Variants in LAX1 observed in about 807,000 individuals in gnomAD.
LAX1 encodes the protein lymphocyte transmembrane adapter 1.
LAX1 carries 17 observed loss-of-function variants against 20.7 expected under a neutral mutation model. That is an observed-to-expected ratio of 0.82 (90% CI 0.56 to 1.23). The LOEUF (loss-of-function observed/expected upper bound fraction) is 1.23. LAX1 is among the 50% of genes most tolerant of loss of function. The pLI, the probability that LAX1 is intolerant of heterozygous loss-of-function variation, is 0.00. For synonymous variants in LAX1, 165 were observed against 181.0 expected (o/e 0.91, Z 0.71); for missense variants, 470 against 487.0 (o/e 0.97, Z 0.33).
intron 1 of LAX1, among the ~76,000 whole-genome samples, chr1:203,770,498 GAAGGAAGGAAGGAAGAAAGAAAGA>G (rs1667396007): frequency 2.0e-4 from 7 of 35,072 alleles, no homozygotes; most frequent in African/African-American, 4.2e-4. Flanking sequence ...AGGAAGGAAG[GAAGGAAGGAAGGAAGAAAGAAAGA>G]AAGAAAGAAA....
At chr1:203,770,086 A>T (rs1162286706) in intron 1 of LAX1, among the ~76,000 whole-genome samples, 1 of 152,210 alleles carries the variant, frequency 6.6e-6, no homozygotes, top group East Asian at 1.9e-4. Context: ...AGCTCAGGTT[A>T]CTTGGCCACA....
rs537836555 is a variant in LAX1 at position 203,765,344 on chromosome 1, T to C, written c.-222T>C. On this transcript the variant is annotated 5_prime_UTR_variant, in exon 1 of 5. The change abolishes an upstream ATG in the 5' untranslated region. Coordinates refer to ENST00000442561, the MANE Select transcript of LAX1 (RefSeq NM_017773.4). ...CTCACTTGGAAGCACCATGTCCGGA[T>C]GAGATCGCACTTCCTGCAGTGGGCA... 6 of 1,545,462 alleles carry C rather than the reference T, an allele frequency of 3.9e-6. No individual in the cohort carries two copies. The South Asian group carries it at 6.0e-5, about 15-fold the overall frequency.
At chr1:203,770,571 G>GAA (rs1558070990) in intron 1 of LAX1, among the ~76,000 whole-genome samples, 5 of 146,174 alleles carry the variant, frequency 3.4e-5, no homozygotes, top group African/African-American at 5.1e-5. Flanking sequence ...GAAAGAAAGA[G>GAA]ATTAATAAGT....
rs1667501883 is a variant in LAX1 at position 203,775,839 on chromosome 1, AT to A, written c.*1160del. ...GGCCTAAAAGTCTACATGTTGGGCGATTCTATTTATATGACATTCTGGAAAA... is the reference window on the plus strand; with the variant it reads ...GGCCTAAAAGTCTACATGTTGGGCGATCTATTTATATGACATTCTGGAAAA... On this transcript the variant is annotated 3_prime_UTR_variant, in exon 5 of 5. Coordinates refer to ENST00000442561, the MANE Select transcript of LAX1 (RefSeq NM_017773.4). The A allele has an allele frequency of 6.6e-6, 1 of 152,172 alleles. No individual in the cohort carries two copies. The highest frequency in any genetic ancestry group is 2.4e-5 in the African/African-American group (1 of 41,428). The allele number at this position is 152,172 out of a possible 1,614,324, so 9.4% of individuals were successfully genotyped here.
intron 1 of LAX1, chr1:203,769,757 G>A (rs906317610): frequency 2.5e-5 from 3 of 117,944 alleles, no homozygotes; most frequent in Non-Finnish European, 4.9e-5. Context: ...TTGGAGACCA[G>A]CTCCACAAAT....
intron 1 of LAX1, among the ~76,000 whole-genome samples, chr1:203,769,465 AAG>A (rs962809430): frequency 2.0e-5 from 3 of 146,752 alleles, no homozygotes; most frequent in African/African-American, 7.6e-5. Flanking sequence ...AAAGAAAAGA[AAG>A]AAAGTTGTAT....
At chr1:203,765,745 GC>G in intron 1 of LAX1, 91 bp downstream of exon 1, 1 of 1,205,600 alleles carries the variant, frequency 8.3e-7, no homozygotes, top group Non-Finnish European at 1.2e-6. Context: ...CAGCAGTGCT[GC>G]CACCTCTCAA....
At chr1:203,773,691 A>G (rs1330615687) in intron 4 of LAX1, among the ~76,000 whole-genome samples, 184 bp from the exon 5 acceptor site, 1 of 141,530 alleles carries the variant, frequency 7.1e-6, no homozygotes, top group African/African-American at 2.6e-5. Context: ...CCCCCCACCA[A>G]TTGATTCCCA....
intron 1 of LAX1, among the ~76,000 whole-genome samples, chr1:203,766,071 C>T (rs547656232): frequency 4.6e-5 from 7 of 152,274 alleles, no homozygotes; most frequent in East Asian, 3.9e-4. Flanking sequence ...AATAAAGATA[C>T]GTCCTTAGGA....
chr1:203,770,650 C>G (rs1242493540), intron 1 of LAX1, among the ~76,000 whole-genome samples, 178 bp from the exon 2 acceptor site: 1 of 152,002 alleles, frequency 6.6e-6, no homozygotes, highest in Non-Finnish European at 1.5e-5. Context: ...CTGTCCAAGT[C>G]CCCTCTCTCC....
At chr1:203,769,773 C>CGGGGGGGGGGGGGGGG (rs1311215813) in intron 1 of LAX1, 1 of 24,318 alleles carries the variant, frequency 4.1e-5, no homozygotes, top group Admixed American at 6.9e-4. Context: ...CAAATTGGTG[C>CGGGGGGGGGGGGGGGG]GGGGGGGGGG....
chr1:203,766,239 G>A (rs1322301960), intron 1 of LAX1, among the ~76,000 whole-genome samples: 1 of 152,190 alleles, frequency 6.6e-6, no homozygotes, highest in Non-Finnish European at 1.5e-5. Context: ...CACTTTGGGA[G>A]GCCGAGTGGG....
intron 4 of LAX1, among the ~76,000 whole-genome samples, chr1:203,772,523 G>A (rs1269914381): frequency 2.0e-5 from 3 of 152,118 alleles, no homozygotes; most frequent in African/African-American, 7.2e-5. Flanking sequence ...TGCTTCCCAG[G>A]TTCAAGCAGT....
Position 203,771,409 on chromosome 1 carries a change from C to T in LAX1, c.242C>T (p.Thr81Ile), listed in dbSNP as rs1180526639. ...YLRVTVMPLL[T>I]LPQTRQRAKN... ...CGAGTTACCGTCATGCCCTTGCTGA[C>T]TTTGCCACAAACCAGACAAAGAGCC... The change falls in exon 3 of 5, where the codon ACT becomes ATT. Residue 81 changes from threonine to isoleucine, a missense_variant. Coordinates refer to ENST00000442561, the MANE Select transcript of LAX1 (RefSeq NM_017773.4). 5 of 1,613,960 alleles carry T rather than the reference C, an allele frequency of 3.1e-6. No homozygotes were observed. Among genetic ancestry groups the T allele is most frequent in the East Asian group, 4.5e-5 (2 of 44,878 alleles).
chr1:203,771,282 T>A, intron 2 of LAX1, 85 bp from the exon 3 acceptor site: 1 of 875,544 alleles, frequency 1.1e-6, no homozygotes, highest in East Asian at 2.4e-5. Flanking sequence ...GGGAGCATTT[T>A]CAGGGGCCAT....
At chr1:203,772,047 A>T in intron 3 of LAX1, 21 bp from the exon 4 acceptor site, 1 of 1,598,692 alleles carries the variant, frequency 6.3e-7, no homozygotes. Flanking sequence ...TATCTTCAGG[A>T]TTTGTTCTCT....
Position 203,771,487 on chromosome 1 carries a change from T to C in LAX1, c.310+10T>C, listed in dbSNP as rs3737976. 863,440 of 1,537,376 alleles carry C rather than the reference T, an allele frequency of 0.56. 251,676 individuals are homozygous for C. The highest frequency in any genetic ancestry group is 0.61 in the Non-Finnish European group (678,356 of 1,110,960). On this transcript the variant is annotated intron_variant, in intron 3 of 4. Coordinates refer to ENST00000442561, the MANE Select transcript of LAX1 (RefSeq NM_017773.4). Reference sequence around the variant, plus strand: ...CGACAGGAAGACCTGGGTAGGTTTTTCCTTCTAATCTATGGAGTCCAGATA... The same window carrying C: ...CGACAGGAAGACCTGGGTAGGTTTTCCCTTCTAATCTATGGAGTCCAGATA...
In LAX1 at chr1:203,765,297, C is replaced by T; in HGVS notation, c.-269C>T. ...TCCACCAGAAACGTGAAGGCAGAGG[C>T]CACAGATTCTCCCTGAGCCACCTCA... On this transcript the variant is annotated 5_prime_UTR_variant, in exon 1 of 5. Transcript: ENST00000442561. 6.6e-7 allele frequency: 1 copy of T among 1,522,382 alleles called. No homozygotes were observed. The highest frequency in any genetic ancestry group is 8.9e-7 in the Non-Finnish European group (1 of 1,120,486). The allele number at this position is 1,522,382 out of a possible 1,614,324, so 94.3% of individuals were successfully genotyped here.
intron 1 of LAX1, among the ~76,000 whole-genome samples, chr1:203,769,474 G>A (rs975034986): frequency 2.0e-5 from 3 of 147,342 alleles, no homozygotes; most frequent in Non-Finnish European, 4.5e-5. Flanking sequence ...AAAGAAAGTT[G>A]TATAAATAAG....
Sources: allele counts gnomAD v4.1 joint callset (sites outside exome capture counted in the v4.1 genomes callset), GRCh38; gene constraint gnomAD v4.1.1; transcripts MANE v1.5; gene names NCBI Gene and HGNC (gene_info 2026-07-23, HGNC 2026-07-21).